TJP2: variants seen among roughly 807,000 people sequenced by gnomAD.
TJP2 encodes Friedreich ataxia region gene X104 (tight junction protein ZO-2).
In TJP2, 91 loss-of-function variants were observed where a neutral mutation model predicts 133.1. That is an observed-to-expected ratio of 0.68 (90% CI 0.58 to 0.81). The LOEUF is 0.81. Ranked by LOEUF, TJP2 falls within the 40% of genes least tolerant of loss-of-function variation. TJP2 has a pLI of 0.00. For missense variants in TJP2, 1,541 were observed against 1,565.6 expected (o/e 0.98, Z 0.26); for synonymous variants, 592 against 583.4 (o/e 1.01, Z -0.21).
chr9:69,210,157 C>G (rs758908316), intron 1 of TJP2, among the ~76,000 whole-genome samples: 1 of 151,594 alleles, frequency 6.6e-6, no homozygotes, highest in Non-Finnish European at 1.5e-5. Flanking sequence ...GGTGTGGTGG[C>G]GCACAACTGT....
At chr9:69,153,227 T>C (rs1417350695) in intron 2 of TJP2, among the ~76,000 whole-genome samples, 1 of 151,788 alleles carries the variant, frequency 6.6e-6, no homozygotes, top group African/African-American at 2.4e-5. Context: ...AGTGAGACTC[T>C]ATCTCAGCAA....
chr9:69,202,532 C>G (rs544947160), intron 1 of TJP2, among the ~76,000 whole-genome samples: 2 of 152,154 alleles, frequency 1.3e-5, no homozygotes, highest in Non-Finnish European at 2.9e-5. Context: ...TTGCTGTTTA[C>G]CAGAAAACTT....
chr9:69,186,569 A>C (rs146653834), intron 1 of TJP2, among the ~76,000 whole-genome samples: 52 of 152,364 alleles, frequency 3.4e-4, no homozygotes, highest in African/African-American at 1.1e-3. Context: ...AACAGTTTAC[A>C]GTGGCTGATA....
rs1178833797 is a variant in TJP2, at chr9:69,221,097, C to CGGAGCCG, written c.559_565dup (p.Arg189ProfsTer52). On this transcript the variant is annotated frameshift_variant, in exon 5 of 23. Coordinates refer to ENST00000377245, the MANE Select transcript of TJP2 (RefSeq NM_004817.4). LOFTEE classifies it high-confidence loss of function. ...AAGGGGGCGTCCCCATGAGCGGGCC[C>CGGAGCCG]GGAGCCGGGAGCGGGACCTCAGCCG... 2 of 1,584,106 alleles carry CGGAGCCG rather than the reference C, an allele frequency of 1.3e-6. No individual in the cohort carries two copies. The highest frequency in any genetic ancestry group is 1.7e-6 in the Non-Finnish European group (2 of 1,165,698).
chr9:69,225,983 T>C, intron 6 of TJP2, 39 bp from the exon 7 acceptor site: 1 of 1,608,806 alleles, frequency 6.2e-7, no homozygotes, highest in Admixed American at 1.7e-5. Flanking sequence ...CTGTGAATAA[T>C]TTTATTGCAT....
chr9:69,145,860 A>G, intron 1 of TJP2: 4 of 1,195,096 alleles, frequency 3.3e-6, no homozygotes, highest in Non-Finnish European at 4.2e-6. Context: ...ATAGATGTAA[A>G]TACTTTTTGT....
At chr9:69,182,505 T>C (rs1017701365) in intron 1 of TJP2, among the ~76,000 whole-genome samples, 2 of 152,192 alleles carry the variant, frequency 1.3e-5, no homozygotes, top group Non-Finnish European at 2.9e-5. Flanking sequence ...ATATTTAGTC[T>C]ACTTATACTA....
rs200898241 is a variant in TJP2, at chr9:69,227,963, G to A, written c.1320-18G>A. 5.0e-5 allele frequency: 81 copies of A among 1,613,980 alleles called. No homozygotes were observed. The highest frequency in any genetic ancestry group is 1.6e-4 in the Middle Eastern group (1 of 6,084). On this transcript the variant is annotated intron_variant, in intron 8 of 22. Transcript: ENST00000377245. ...AACTGTTATCTCTTGAGACATTTAC[G>A]TATGACATGTGATTCAGTTCCAGAG... is the stretch of plus-strand genomic sequence containing the variant.
chr9:69,252,946 A>G (rs1831449663), intron 22 of TJP2, 46 bp downstream of exon 22: 2 of 1,568,290 alleles, frequency 1.3e-6, no homozygotes, highest in Admixed American at 3.4e-5. Flanking sequence ...GGACTTCTCA[A>G]GGACTGGGAC....
intron 17 of TJP2, 110 bp downstream of exon 17, chr9:69,240,257 G>C: frequency 9.0e-7 from 1 of 1,110,150 alleles, no homozygotes; most frequent in Admixed American, 2.1e-5. Flanking sequence ...TTGTGTTCAT[G>C]ACTCCTTGAA....
At chr9:69,242,113 C>A (rs542275149) in intron 17 of TJP2, among the ~76,000 whole-genome samples, 2 of 152,170 alleles carry the variant, frequency 1.3e-5, no homozygotes, top group African/African-American at 4.8e-5. Flanking sequence ...AGGCTGAAGG[C>A]GGCTGGACGA....
chr9:69,123,209 T>TTCTCTGATGG (rs1456608196), intron 1 of TJP2, among the ~76,000 whole-genome samples: 12 of 83,700 alleles, frequency 1.4e-4, no homozygotes, highest in South Asian at 3.3e-4. Flanking sequence ...ACCAGGACAC[T>TTCTCTGATGG]CTACAGCCGC....
intron 1 of TJP2, among the ~76,000 whole-genome samples, chr9:69,204,647 G>A (rs183352986): frequency 7.2e-5 from 11 of 152,322 alleles, no homozygotes; most frequent in Admixed American, 2.0e-4. Context: ...CTCCAAGGAC[G>A]TAAAACATTT....
At chr9:69,128,674 C>T (rs952265415) in intron 1 of TJP2, among the ~76,000 whole-genome samples, 3 of 152,052 alleles carry the variant, frequency 2.0e-5, no homozygotes, top group Non-Finnish European at 4.4e-5. Context: ...AGGCGCCCAA[C>T]ACCACGCCCG....
At chr9:69,210,291 C>T (rs1191904983) in intron 1 of TJP2, among the ~76,000 whole-genome samples, 1 of 43,416 alleles carries the variant, frequency 2.3e-5, no homozygotes, top group Non-Finnish European at 5.5e-5. Flanking sequence ...CCCGTCCCCC[C>T]CCCCCCCCAA....
chr9:69,232,370 A>G (rs1314725436), intron 11 of TJP2, among the ~76,000 whole-genome samples: 1 of 152,182 alleles, frequency 6.6e-6, no homozygotes, highest in Non-Finnish European at 1.5e-5. Flanking sequence ...GATCCTCTTC[A>G]GGCTCACAGC....
chr9:69,221,710 C>T (rs560084064), intron 5 of TJP2, among the ~76,000 whole-genome samples: 8 of 151,538 alleles, frequency 5.3e-5, no homozygotes, highest in Middle Eastern at 3.4e-3. Context: ...CCCGCCACCA[C>T]GCCCAGCTAA....
intron 2 of TJP2, among the ~76,000 whole-genome samples, chr9:69,214,880 A>AC (rs1828240895): frequency 6.8e-6 from 1 of 147,294 alleles, no homozygotes; most frequent in Non-Finnish European, 1.5e-5. Flanking sequence ...AAAAAAAAAA[A>AC]CAAACAAATC....
intron 17 of TJP2, among the ~76,000 whole-genome samples, chr9:69,245,407 A>G (rs1220738672): frequency 6.6e-6 from 1 of 152,236 alleles, no homozygotes; most frequent in Non-Finnish European, 1.5e-5. Flanking sequence ...ATTTACCTGC[A>G]GTCTGATAAT....
Sources: allele counts gnomAD v4.1 joint callset (sites outside exome capture counted in the v4.1 genomes callset), GRCh38; gene constraint gnomAD v4.1.1; transcripts MANE v1.5; gene names NCBI Gene and HGNC (gene_info 2026-07-23, HGNC 2026-07-21).